BAG4: variants seen among roughly 807,000 people sequenced by gnomAD.
BAG4 encodes BAG family molecular chaperone regulator 4.
In BAG4, 28 loss-of-function variants were observed where a neutral mutation model predicts 52.1. That is an observed-to-expected ratio of 0.54 (90% CI 0.40 to 0.74). The LOEUF (loss-of-function observed/expected upper bound fraction) is 0.74, where lower values mean the gene tolerates loss of function less well. BAG4 is among the 30% of genes least tolerant of loss of function. BAG4 has a pLI of 0.00. For synonymous variants in BAG4, 208 were observed against 217.0 expected (o/e 0.96, Z 0.37); for missense variants, 525 against 572.0 (o/e 0.92, Z 0.84).
intron 2 of BAG4, among the ~76,000 whole-genome samples, chr8:38,203,235 G>C (rs1166509390): frequency 1.3e-5 from 2 of 151,992 alleles, no homozygotes; most frequent in African/African-American, 4.8e-5. Context: ...ATTGCTAAGC[G>C]AGTGTTCTTA....
In BAG4 at chr8:38,180,517, C is replaced by T. The variant is rs575385232; in HGVS notation, c.270+3378C>T. Reference sequence around the variant, plus strand: ...CAGCCTGGGCAGCAAAGCGAGACTCCGTCTCAAAAAAAAAAAAAAAAAAAA... The same window carrying T: ...CAGCCTGGGCAGCAAAGCGAGACTCTGTCTCAAAAAAAAAAAAAAAAAAAA... On this transcript the variant is annotated intron_variant, in intron 1 of 4. Transcript: ENST00000287322. Among the ~76,000 whole-genome samples the T allele has an allele frequency of 1.1e-4, 8 of 72,550 alleles. No individual in the cohort carries two copies. In the South Asian group the frequency reaches 1.8e-3, roughly 16 times the overall value. The allele number at this position is 72,550 out of a possible 152,430, so 47.6% of individuals were successfully genotyped here. A position where few individuals can be genotyped will look rare whatever the true frequency, so the allele number is the denominator to read the frequency against.
intron 2 of BAG4, among the ~76,000 whole-genome samples, chr8:38,196,468 A>T (rs530185781): frequency 6.6e-6 from 1 of 151,824 alleles, no homozygotes; most frequent in Non-Finnish European, 1.5e-5. Flanking sequence ...CCTGGCTAAC[A>T]TGGTAAAATC....
intron 2 of BAG4, among the ~76,000 whole-genome samples, chr8:38,194,948 G>A (rs1390912444): frequency 5.6e-5 from 8 of 142,834 alleles, no homozygotes; most frequent in Non-Finnish European, 1.1e-4. Context: ...TCTGCCTCCC[G>A]GGTTCACGCC....
At chr8:38,208,397 C>T (rs979658589) in intron 3 of BAG4, among the ~76,000 whole-genome samples, 2 of 150,972 alleles carry the variant, frequency 1.3e-5, no homozygotes, top group Non-Finnish European at 2.9e-5. Context: ...GCAAGCTCCA[C>T]CTCCTGGGTT....
chr8:38,192,326 C>T (rs1034862808), intron 1 of BAG4, among the ~76,000 whole-genome samples: 44 of 152,098 alleles, frequency 2.9e-4, no homozygotes, highest in Non-Finnish European at 1.0e-4. Flanking sequence ...GTGGCATTGT[C>T]GAAACAGATA....
intron 2 of BAG4, among the ~76,000 whole-genome samples, chr8:38,193,533 G>A (rs1254592405): frequency 1.3e-5 from 2 of 152,002 alleles, no homozygotes; most frequent in Admixed American, 1.3e-4. Flanking sequence ...TACAATTGAA[G>A]CCCAATGACA....
At chr8:38,206,061 C>T (rs1256968140) in intron 2 of BAG4, among the ~76,000 whole-genome samples, 7 of 150,660 alleles carry the variant, frequency 4.6e-5, no homozygotes, top group African/African-American at 1.5e-4. Context: ...GAGGCTGAGG[C>T]GGGTGGATAT....
chr8:38,191,006 C>T (rs906814183), intron 1 of BAG4, among the ~76,000 whole-genome samples: 17 of 152,164 alleles, frequency 1.1e-4, no homozygotes, highest in African/African-American at 3.4e-4. Context: ...GATCCACCCG[C>T]GTCAGGCCTC....
intron 2 of BAG4, among the ~76,000 whole-genome samples, chr8:38,198,228 C>CA (rs1195167719): frequency 1.3e-5 from 2 of 150,158 alleles, no homozygotes. Context: ...GCTAAAAATA[C>CA]AAAAAATTAG....
intron 1 of BAG4, among the ~76,000 whole-genome samples, chr8:38,190,471 G>C (rs1452655453): frequency 1.3e-5 from 2 of 152,068 alleles, no homozygotes; most frequent in Non-Finnish European, 2.9e-5. Context: ...GCCCAGGCTG[G>C]AGTGCAGTAG....
In BAG4 at chr8:38,210,249, C is replaced by T. The variant is rs376216479; in HGVS notation, c.1130C>T (p.Pro377Leu). 8 of 1,613,972 alleles carry T rather than the reference C, an allele frequency of 5.0e-6. No individual in the cohort carries two copies. Among genetic ancestry groups the T allele is most frequent in the Non-Finnish European group, 6.8e-6 (8 of 1,180,042 alleles). The change falls in exon 5 of 5, where the codon CCT becomes CTT. Residue 377 changes from proline (P) to leucine (L), a missense_variant. This residue lies in a region of BAG4 where 238 missense variants were observed against 305.8 expected (regional missense o/e 0.78). Transcript: ENST00000287322. ...TGTGTACCTTCAGATGAAAGTACTC[C>T]TCCGAGTATTAAAAAAATCATACAT... Reference protein sequence around the residue: ...EECVPSDESTPPSIKKIIHVL... With the variant: ...EECVPSDESTLPSIKKIIHVL...
At chr8:38,189,645 T>A (rs1803434971) in intron 1 of BAG4, among the ~76,000 whole-genome samples, 1 of 152,182 alleles carries the variant, frequency 6.6e-6, no homozygotes, top group South Asian at 2.1e-4. Context: ...ATCCTGGGAC[T>A]TCAGTTGAAA....
At chr8:38,193,791 T>C (rs1344493057) in intron 2 of BAG4, among the ~76,000 whole-genome samples, 1 of 150,328 alleles carries the variant, frequency 6.7e-6, no homozygotes, top group Non-Finnish European at 1.5e-5. Flanking sequence ...CAGGCTGGAG[T>C]GCAGTGGCAT....
chr8:38,181,346 G>A (rs1322361826), intron 1 of BAG4, among the ~76,000 whole-genome samples: 1 of 150,294 alleles, frequency 6.7e-6, no homozygotes, highest in Non-Finnish European at 1.5e-5. Context: ...GCGATTTACT[G>A]CCTCAGGCTC....
At chr8:38,189,926 C>CAGT (rs1803439638) in intron 1 of BAG4, among the ~76,000 whole-genome samples, 1 of 152,084 alleles carries the variant, frequency 6.6e-6, no homozygotes, top group African/African-American at 2.4e-5. Flanking sequence ...GCTGGGACTA[C>CAGT]AGGCGCCCGC....
chr8:38,200,417 T>C (rs1469153813), intron 2 of BAG4, among the ~76,000 whole-genome samples: 1 of 152,210 alleles, frequency 6.6e-6, no homozygotes, highest in Non-Finnish European at 1.5e-5. Flanking sequence ...TTTTGATTAC[T>C]GTGGCTCTGA....
chr8:38,209,442 T>C, intron 4 of BAG4, 175 bp downstream of exon 4: 1 of 742,402 alleles, frequency 1.3e-6, no homozygotes, highest in Non-Finnish European at 2.1e-6. Context: ...TTAATAGACT[T>C]TATATTTAGA....
intron 1 of BAG4, among the ~76,000 whole-genome samples, chr8:38,184,466 C>CAAATA (rs36228003): frequency 0.056 from 8,205 of 146,622 alleles, 364 homozygotes; most frequent in African/African-American, 0.12. Context: ...GACCCTGTCT[C>CAAATA]AAATAAAATA....
At chr8:38,194,663 C>G (rs1281213125) in intron 2 of BAG4, among the ~76,000 whole-genome samples, 1 of 151,550 alleles carries the variant, frequency 6.6e-6, no homozygotes, top group East Asian at 1.9e-4. Context: ...GTCCGCCCAC[C>G]TTGGCCTCCC....
Sources: allele counts gnomAD v4.1 joint callset (sites outside exome capture counted in the v4.1 genomes callset), GRCh38; gene constraint gnomAD v4.1.1; regional missense constraint gnomAD v4.1.1; transcripts MANE v1.5; gene names NCBI Gene and HGNC (gene_info 2026-07-23, HGNC 2026-07-21).